CCNY: variants seen among roughly 807,000 people sequenced by gnomAD.
CCNY encodes cyclin Y, also known as cyclin-Y.
CCNY carries 19 observed loss-of-function variants against 42.8 expected under a neutral mutation model. That is an observed-to-expected ratio of 0.44 (90% confidence interval 0.31 to 0.65). CCNY has a LOEUF of 0.65. Among genes scored for constraint, CCNY ranks in the 30% least tolerant of loss-of-function variants. The probability of loss-of-function intolerance (pLI) is 0.07; values close to 1 mark genes in which losing one functional copy is unlikely to be tolerated. For synonymous variants in CCNY, 165 were observed against 162.7 expected (o/e 1.01, Z -0.11); for missense variants, 370 against 437.3 (o/e 0.85, Z 1.37).
intron 3 of CCNY, among the ~76,000 whole-genome samples, chr10:35,513,579 T>C (rs1840365421): frequency 6.6e-6 from 1 of 152,206 alleles, no homozygotes; most frequent in African/African-American, 2.4e-5. Flanking sequence ...GCTTTACAAA[T>C]ACTAATTCAT....
At chr10:35,289,659 A>G (rs951993047) in intron 3 of CCNY, among the ~76,000 whole-genome samples, 1 of 146,618 alleles carries the variant, frequency 6.8e-6, no homozygotes, top group Non-Finnish European at 1.5e-5. Flanking sequence ...GGATCACCTG[A>G]GGTCATGAGT....
At chr10:35,317,474 T>C (rs960730710) in intron 3 of CCNY, among the ~76,000 whole-genome samples, 21 of 152,216 alleles carry the variant, frequency 1.4e-4, no homozygotes, top group African/African-American at 4.8e-4. Flanking sequence ...ATGTGTTTAA[T>C]CTGATTTCCT....
chr10:35,479,705 A>C (rs1251895518), intron 1 of CCNY, among the ~76,000 whole-genome samples: 2 of 151,482 alleles, frequency 1.3e-5, no homozygotes, highest in Non-Finnish European at 2.9e-5. Context: ...ACATGTTTAC[A>C]TATGTAACTA....
chr10:35,378,540 G>A (rs147599525), intron 1 of CCNY, among the ~76,000 whole-genome samples: 52 of 152,206 alleles, frequency 3.4e-4, no homozygotes, highest in African/African-American at 1.2e-3. Flanking sequence ...TGGCTAGGGT[G>A]GGGTGTATGT....
chr10:35,254,042 A>AT (rs35126633), intron 3 of CCNY, among the ~76,000 whole-genome samples: 4 of 151,404 alleles, frequency 2.6e-5, no homozygotes, highest in African/African-American at 7.3e-5. Flanking sequence ...TGCCCAGCTA[A>AT]TTTTTTTGTA....
intron 3 of CCNY, among the ~76,000 whole-genome samples, chr10:35,290,257 CACACACAA>C (rs1835398316): frequency 6.6e-6 from 1 of 150,692 alleles, no homozygotes; most frequent in African/African-American, 2.4e-5. Flanking sequence ...CACACACACA[CACACACAA>C]AATTAGCTGG....
Position 35,392,394 on chromosome 10 carries a change from A to G in CCNY, c.154+55187A>G, listed in dbSNP as rs115859438. ...CAGGCCAGGCTTCCTGTCCTTCAGG[A>G]GCTCATAGTTCAAATAGGACTAAAT... On this transcript the variant is annotated intron_variant, in intron 1 of 9. Coordinates refer to ENST00000374704, the MANE Select transcript of CCNY (RefSeq NM_145012.6). Among the ~76,000 whole-genome samples the G allele has an allele frequency of 5.7e-3, 871 of 152,280 alleles. 15 individuals are homozygous for G. Among genetic ancestry groups the G allele is most frequent in the African/African-American group, 0.02 (835 of 41,564 alleles).
rs569043294 is a variant in CCNY at position 35,358,796 on chromosome 10, A to G, written c.154+21589A>G. Among the ~76,000 whole-genome samples the G allele has an allele frequency of 3.9e-5, 6 of 152,368 alleles. No individual in the cohort carries two copies. In the South Asian group the frequency reaches 1.0e-3, roughly 26 times the overall value. On this transcript the variant is annotated intron_variant, in intron 1 of 9. Coordinates refer to ENST00000374704, the MANE Select transcript of CCNY (RefSeq NM_145012.6). Reference sequence around the variant, plus strand: ...CTCACAGCTGATGACCGTGAGCCACAGGATTCCGGCTCCTGAGGAGCTAGA... The same window carrying G: ...CTCACAGCTGATGACCGTGAGCCACGGGATTCCGGCTCCTGAGGAGCTAGA...
chr10:35,490,551 G>A (rs1216242795), intron 2 of CCNY, among the ~76,000 whole-genome samples: 1 of 152,176 alleles, frequency 6.6e-6, no homozygotes. Flanking sequence ...TGCTGCCCTC[G>A]CTGCTCCCCG....
intron 5 of CCNY, among the ~76,000 whole-genome samples, chr10:35,529,119 T>C (rs947876409): frequency 2.0e-5 from 3 of 152,230 alleles, no homozygotes; most frequent in Non-Finnish European, 4.4e-5. Context: ...AGTGGTTCTG[T>C]GCACGTACCA....
chr10:35,418,776 G>A (rs577009868), intron 1 of CCNY, among the ~76,000 whole-genome samples: 34 of 152,078 alleles, frequency 2.2e-4, no homozygotes, highest in African/African-American at 5.8e-4. Flanking sequence ...TGATGTAGGC[G>A]GTTTCTTTCA....
At chr10:35,278,134 T>G (rs925945918) in intron 3 of CCNY, among the ~76,000 whole-genome samples, 3 of 152,024 alleles carry the variant, frequency 2.0e-5, no homozygotes, top group Admixed American at 1.3e-4. Flanking sequence ...GAAGAGAGTG[T>G]GAGGCCAGCT....
intron 8 of CCNY, among the ~76,000 whole-genome samples, chr10:35,560,099 G>C (rs1841437354): frequency 6.6e-6 from 1 of 152,152 alleles, no homozygotes; most frequent in Non-Finnish European, 1.5e-5. Flanking sequence ...GAGGAATTTT[G>C]CCTTAGGATG....
intron 1 of CCNY, among the ~76,000 whole-genome samples, chr10:35,398,222 C>G (rs1837567122): frequency 6.6e-6 from 1 of 152,188 alleles, no homozygotes; most frequent in African/African-American, 2.4e-5. Flanking sequence ...GCAGAGCTGG[C>G]CCTCCATTCT....
chr10:35,280,358 AAAGAAAGG>A (rs1034308728), intron 3 of CCNY, among the ~76,000 whole-genome samples: 3 of 134,706 alleles, frequency 2.2e-5, no homozygotes, highest in African/African-American at 6.0e-5. Flanking sequence ...AGAAGGAAAG[AAAGAAAGG>A]AAGAAAGGAA....
intron 1 of CCNY, among the ~76,000 whole-genome samples, chr10:35,442,845 T>G (rs866393305): frequency 7.2e-5 from 11 of 152,350 alleles, no homozygotes; most frequent in Middle Eastern, 3.4e-3. Context: ...TTAAGTGATT[T>G]CGTCATTGTG....
At chr10:35,473,714 C>T (rs1442864053) in intron 1 of CCNY, among the ~76,000 whole-genome samples, 1 of 152,166 alleles carries the variant, frequency 6.6e-6, no homozygotes, top group African/African-American at 2.4e-5. Flanking sequence ...TAATTTTAAG[C>T]TCAGTATTCC....
intron 3 of CCNY, among the ~76,000 whole-genome samples, chr10:35,504,532 C>T (rs1398490748): frequency 6.6e-6 from 1 of 152,318 alleles, no homozygotes; most frequent in East Asian, 1.9e-4. Context: ...GATGTTTTGA[C>T]AGCAGGTTCA....
chr10:35,317,816 C>T (rs539087305), intron 3 of CCNY, among the ~76,000 whole-genome samples: 11 of 152,040 alleles, frequency 7.2e-5, no homozygotes, highest in Non-Finnish European at 1.2e-4. Context: ...AGGTGAGCAC[C>T]GTTTGGAGGA....
Sources: allele counts gnomAD v4.1 joint callset (sites outside exome capture counted in the v4.1 genomes callset), GRCh38; gene constraint gnomAD v4.1.1; transcripts MANE v1.5; gene names NCBI Gene and HGNC (gene_info 2026-07-23, HGNC 2026-07-21).